Variants in SH3YL1 observed in about 807,000 individuals in gnomAD.
SH3YL1 encodes the protein SH3 and SYLF domain containing 1.
In SH3YL1, 41 loss-of-function variants were observed where a neutral mutation model predicts 45.8. The ratio of observed to expected loss-of-function variants is 0.89; its 90% CI spans 0.70 to 1.16. The LOEUF (loss-of-function observed/expected upper bound fraction) is 1.16. Ranked by LOEUF, SH3YL1 falls within the 50% of genes most tolerant of loss-of-function variation. SH3YL1 has a pLI of 0.00. For synonymous variants in SH3YL1, 152 were observed against 151.4 expected (o/e 1.00, Z -0.03); for missense variants, 389 against 409.6 (o/e 0.95, Z 0.43).
chr2:218,936 A>C lies in SH3YL1; in HGVS notation c.904T>G (p.Leu302Val), dbSNP rs952408353. 22 of 1,614,022 alleles carry C rather than the reference A, an allele frequency of 1.4e-5. No homozygotes were observed. Among genetic ancestry groups the C allele is most frequent in the Non-Finnish European group, 1.7e-5 (20 of 1,180,028 alleles). Residue 302 changes from leucine to valine, a missense_variant, in exon 10 of 10, where the codon TTG becomes GTG. Transcript: ENST00000356150. ...YSFEGQQPGD[L>V]NFQAGDRITV... ...ATTCTGTCTCCAGCTTGAAAATTCA[A>C]ATCCCCAGGCTGCTGTCCTTCAAAT...
At chr2:253,161 G>C (rs961133890) in intron 1 of SH3YL1, 46 bp from the exon 2 acceptor site, 3 of 1,069,294 alleles carry the variant, frequency 2.8e-6, no homozygotes, top group East Asian at 5.2e-5. Flanking sequence ...CTGCTAAATA[G>C]AAGTGAGAAA....
chr2:243,611 A>G, intron 4 of SH3YL1: 1 of 1,509,974 alleles, frequency 6.6e-7, no homozygotes, highest in Non-Finnish European at 8.8e-7. Flanking sequence ...ACTACCTATC[A>G]ACATGGACGA....
chr2:238,382 C>T (rs112800826), intron 4 of SH3YL1, among the ~76,000 whole-genome samples: 8 of 151,468 alleles, frequency 5.3e-5, no homozygotes, highest in African/African-American at 1.5e-4. Flanking sequence ...TTCCTCAGAC[C>T]AACAGATCTT....
intron 9 of SH3YL1, among the ~76,000 whole-genome samples, chr2:219,561 C>T (rs1169489043): frequency 6.6e-6 from 1 of 152,098 alleles, no homozygotes; most frequent in Non-Finnish European, 1.5e-5. Context: ...ATCCAGCCTC[C>T]AGAAGCGTGA....
chr2:253,067 G>A lies in SH3YL1; in HGVS notation c.50C>T (p.Ala17Val). ...TTCTGTGAATTCTCTTAATATTTTG[G>A]CAGCCTTTTTTGCTTCTGATTTCAA... ...SNLKSEAKKA[A>V]KILREFTEIT... The change falls in exon 2 of 10, where the codon GCC (alanine) becomes GTC (valine). Residue 17 changes from alanine (A) to valine (V), a missense_variant. By Grantham distance (64) the Ala-to-Val change is moderately conservative. Transcript: ENST00000356150. The A allele has an allele frequency of 1.3e-6, 2 of 1,550,360 alleles. No individual in the cohort carries two copies. Among genetic ancestry groups the A allele is most frequent in the Non-Finnish European group, 1.7e-6 (2 of 1,145,970 alleles).
intron 7 of SH3YL1, chr2:230,368 C>A: frequency 9.8e-6 from 2 of 203,634 alleles, no homozygotes; most frequent in Non-Finnish European, 2.0e-5. Context: ...GAGGCAGTGA[C>A]AGACAAACTC....
intron 9 of SH3YL1, among the ~76,000 whole-genome samples, chr2:220,548 G>A (rs72772884): frequency 0.074 from 11,199 of 152,206 alleles, 519 homozygotes; most frequent in African/African-American, 0.12. Flanking sequence ...TAAGTTAAAC[G>A]TTCTAAGTAC....
intron 4 of SH3YL1, among the ~76,000 whole-genome samples, chr2:237,316 A>C (rs1668351549): frequency 1.3e-5 from 2 of 152,010 alleles, no homozygotes; most frequent in Admixed American, 1.3e-4. Flanking sequence ...AGTTCTTTTG[A>C]AATAAGAATA....
rs545313794 is a variant in SH3YL1, at chr2:218,834, C to A, written c.1006G>T (p.Ala336Ser). 6.2e-7 allele frequency: 1 copy of A among 1,613,344 alleles called. No homozygotes were observed. Among genetic ancestry groups the A allele is most frequent in the Non-Finnish European group, 8.5e-7 (1 of 1,179,602 alleles). The change falls in exon 10 of 10, where the codon GCC becomes TCC. Residue 336 changes from alanine (A) to serine (S), a missense_variant. Transcript: ENST00000356150. ...CTTTAATTCATGGTTACGTAGTTGG[C>A]TGGAAAAATGCCAGTTTGACCTCGA... ...KLRGQTGIFP[A>S]NYVTMN is the part of the protein sequence containing the mutation.
intron 1 of SH3YL1, among the ~76,000 whole-genome samples, chr2:258,621 C>T (rs143692791): frequency 8.1e-4 from 124 of 152,266 alleles, no homozygotes; most frequent in African/African-American, 2.9e-3. Context: ...TGTAGATCAG[C>T]TTGATCACTT....
At chr2:258,577 T>C (rs1669456671) in intron 1 of SH3YL1, among the ~76,000 whole-genome samples, 1 of 152,224 alleles carries the variant, frequency 6.6e-6, no homozygotes, top group South Asian at 2.1e-4. Context: ...CCCTTAAAAG[T>C]GTTAACACTT....
chr2:218,903 T>G lies in SH3YL1; in HGVS notation c.937A>C (p.Ile313Leu). 4 of 1,614,156 alleles carry G rather than the reference T, an allele frequency of 2.5e-6. No homozygotes were observed. The highest frequency in any genetic ancestry group is 2.2e-5 in the South Asian group (2 of 91,078). Residue 313 changes from isoleucine to leucine, a missense_variant, in exon 10 of 10, where the codon ATA (isoleucine) becomes CTA (leucine). By Grantham distance (5) the Ile-to-Leu change is conservative (BLOSUM62 2). Coordinates refer to ENST00000356150, the MANE Select transcript of SH3YL1 (RefSeq NM_015677.4). Reference sequence around the variant, plus strand: ...TCAAAATGTGAATCTGTTTTTGATATAACTGTGATTCTGTCTCCAGCTTGA... The same window carrying G: ...TCAAAATGTGAATCTGTTTTTGATAGAACTGTGATTCTGTCTCCAGCTTGA... ...NFQAGDRITV[I>L]SKTDSHFDWW...
intron 4 of SH3YL1, chr2:241,017 T>C (rs1360870956): frequency 6.6e-6 from 1 of 152,002 alleles, no homozygotes; most frequent in Non-Finnish European, 1.5e-5. Context: ...GTGTGACCCA[T>C]ACATAGAAAA....
intron 5 of SH3YL1, 41 bp from the exon 6 acceptor site, chr2:233,270 C>T (rs377469826): frequency 1.8e-4 from 261 of 1,489,152 alleles, no homozygotes; most frequent in Non-Finnish European, 2.3e-4. Context: ...CTGTGAGCAG[C>T]TCCAAGCCGA....
chr2:245,456 T>C lies in SH3YL1; in HGVS notation c.291+2082A>G, dbSNP rs543882365. Among the ~76,000 whole-genome samples the C allele has an allele frequency of 2.0e-5, 3 of 152,304 alleles. No individual in the cohort carries two copies. The South Asian group carries it at 6.2e-4, about 32-fold the overall frequency. On this transcript the variant is annotated intron_variant, in intron 4 of 9. Coordinates refer to ENST00000356150, the MANE Select transcript of SH3YL1 (RefSeq NM_015677.4). ...ATGAAGAAGATATTAAAAATAAAAT[T>C]ATATTTTGTGTCATTTCAAGGGCTT...
intron 9 of SH3YL1, among the ~76,000 whole-genome samples, chr2:223,935 C>T (rs1008059422): frequency 6.6e-6 from 1 of 152,184 alleles, no homozygotes; most frequent in Non-Finnish European, 1.5e-5. Flanking sequence ...ACCCTAAATC[C>T]ATCAGGAACA....
At chr2:261,818 C>A (rs553533876) in intron 1 of SH3YL1, among the ~76,000 whole-genome samples, 3 of 152,312 alleles carry the variant, frequency 2.0e-5, no homozygotes, top group African/African-American at 7.2e-5. Flanking sequence ...AGTTCAGATT[C>A]CCAAACTTTT....
chr2:237,546 C>G (rs1317142149), intron 4 of SH3YL1, among the ~76,000 whole-genome samples: 1 of 152,044 alleles, frequency 6.6e-6, no homozygotes, highest in African/African-American at 2.4e-5. Context: ...GATAAGACTT[C>G]TTTAGAAGTC....
intron 4 of SH3YL1, among the ~76,000 whole-genome samples, chr2:235,351 G>A (rs112877137): frequency 2.6e-5 from 4 of 151,650 alleles, no homozygotes; most frequent in African/African-American, 9.7e-5. Context: ...ATGGGTCAGG[G>A]GAGGCAGCAT....
Sources: allele counts gnomAD v4.1 joint callset (sites outside exome capture counted in the v4.1 genomes callset), GRCh38; gene constraint gnomAD v4.1.1; transcripts MANE v1.5; gene names NCBI Gene and HGNC (gene_info 2026-07-23, HGNC 2026-07-21).